Variants in VPS13B observed in about 807,000 individuals in gnomAD.
The protein encoded by VPS13B is intermembrane lipid transfer protein VPS13B.
Under a neutral mutation model 426.4 loss-of-function variants are expected in VPS13B, and 285 were observed. The observed-to-expected ratio is 0.67, with a 90% CI of 0.61 to 0.74. The LOEUF (loss-of-function observed/expected upper bound fraction) is 0.74, where lower values mean the gene tolerates loss of function less well. VPS13B is among the 30% of genes least tolerant of loss of function. The pLI, the probability that VPS13B is intolerant of heterozygous loss-of-function variation, is 0.00. For missense variants in VPS13B, 4,537 were observed against 4,782.6 expected, an observed-to-expected ratio of 0.95 and a Z score of 1.51; for synonymous variants, 1,676 against 1,676.4, an observed-to-expected ratio of 1.00 and a Z score of 0.01.
intron 51 of VPS13B, among the ~76,000 whole-genome samples, chr8:99,825,343 TTCAGGTTTTTTG>T (rs1814615776): frequency 6.6e-6 from 1 of 152,218 alleles, no homozygotes; most frequent in Admixed American, 6.5e-5. Flanking sequence ...TGAGTTTTTT[TTCAGGTTTTTTG>T]ACCACGTAAA....
Position 99,143,018 on chromosome 8 carries a change from T to C in VPS13B, c.1696T>C (p.Leu566=), listed in dbSNP as rs767273023. The change falls in exon 13 of 62, where the codon TTG becomes CTG. Residue 566 remains leucine (L), a synonymous_variant. Transcript: ENST00000357162. ...QDFSSGKSED[L]GTVQEKSTKS... is the part of the protein sequence containing the mutation. ...CTTTTCTTCAGGGAAAAGTGAAGATTTGGGAACAGTTCAGGAGAAGTCCAC... is the reference window on the plus strand; with the variant it reads ...CTTTTCTTCAGGGAAAAGTGAAGATCTGGGAACAGTTCAGGAGAAGTCCAC... 9.3e-6 allele frequency: 15 copies of C among 1,613,668 alleles called. No individual in the cohort carries two copies. The Admixed American group carries it at 1.7e-4, about 18-fold the overall frequency.
At position 99,115,752 on chromosome 8, in the gene VPS13B, C is replaced by G. The variant is rs571013964; in HGVS notation, c.815C>G (p.Pro272Arg). Reference sequence around the variant, plus strand: ...CTTTCTATCACAGATCAACAACTGCCTATGTTTATTCGTATAATGCAACTT... The same window carrying G: ...CTTTCTATCACAGATCAACAACTGCGTATGTTTATTCGTATAATGCAACTT... ...LKLSITDQQL[P>R]MFIRIMQLGI... The change falls in exon 7 of 62, where the codon CCT (proline) becomes CGT (arginine). Residue 272 changes from proline to arginine, a missense_variant. Physicochemically the swap from Pro to Arg is moderately radical, Grantham distance 103. This residue lies in a region of VPS13B where 4,311 missense variants were observed against 4,474.3 expected (regional missense o/e 0.96). Transcript: ENST00000357162. 1.9e-6 allele frequency: 3 copies of G among 1,613,218 alleles called. No individual in the cohort carries two copies. The highest frequency in any genetic ancestry group is 2.5e-6 in the Non-Finnish European group (3 of 1,179,714).
At chr8:99,450,468 C>T (rs1818133111) in intron 23 of VPS13B, among the ~76,000 whole-genome samples, 1 of 152,156 alleles carries the variant, frequency 6.6e-6, no homozygotes, top group African/African-American at 2.4e-5. Context: ...GTAATCCCAG[C>T]ATTTGGGAGG....
intron 54 of VPS13B, among the ~76,000 whole-genome samples, chr8:99,842,110 C>A (rs911182430): frequency 6.6e-6 from 1 of 152,294 alleles, no homozygotes; most frequent in Non-Finnish European, 1.5e-5. Context: ...TACTCTTTTA[C>A]AAACCACATA....
At chr8:99,714,427 A>AAT (rs1007436165) in intron 36 of VPS13B, among the ~76,000 whole-genome samples, 1 of 152,168 alleles carries the variant, frequency 6.6e-6, no homozygotes, top group Non-Finnish European at 1.5e-5. Context: ...CACACACCAC[A>AAT]ATAAATCATT....
At chr8:99,829,649 T>C (rs879392324) in intron 51 of VPS13B, among the ~76,000 whole-genome samples, 1 of 152,148 alleles carries the variant, frequency 6.6e-6, no homozygotes, top group Non-Finnish European at 1.5e-5. Flanking sequence ...TGGTGAGGAG[T>C]TGTGATCCTT....
At chr8:99,177,639 AT>A (rs994367237) in intron 16 of VPS13B, among the ~76,000 whole-genome samples, 1 of 152,132 alleles carries the variant, frequency 6.6e-6, no homozygotes, top group Non-Finnish European at 1.5e-5. Context: ...TCCACATGGA[AT>A]TTTATGGTCA....
chr8:99,216,811 GT>G (rs1815416070), intron 17 of VPS13B, among the ~76,000 whole-genome samples: 1 of 151,860 alleles, frequency 6.6e-6, no homozygotes, highest in Non-Finnish European at 1.5e-5. Context: ...TATTGAATAA[GT>G]AAAAATGTTA....
intron 25 of VPS13B, among the ~76,000 whole-genome samples, chr8:99,500,301 G>T (rs909989569): frequency 2.0e-5 from 3 of 151,894 alleles, no homozygotes; most frequent in Admixed American, 6.6e-5. Flanking sequence ...GAGGATATAC[G>T]GCAAAACAAA....
At chr8:99,643,404 T>C (rs1365120999) in intron 34 of VPS13B, among the ~76,000 whole-genome samples, 1 of 152,208 alleles carries the variant, frequency 6.6e-6, no homozygotes, top group Non-Finnish European at 1.5e-5. Flanking sequence ...GGTTTGTTCA[T>C]TCTTGCCATT....
At chr8:99,620,185 T>C (rs1237717794) in intron 33 of VPS13B, among the ~76,000 whole-genome samples, 2 of 152,014 alleles carry the variant, frequency 1.3e-5, no homozygotes, top group Non-Finnish European at 2.9e-5. Flanking sequence ...AAAAATAAGT[T>C]TACAAGAATG....
At chr8:99,730,529 A>G (rs1833551070) in intron 39 of VPS13B, among the ~76,000 whole-genome samples, 2 of 152,198 alleles carry the variant, frequency 1.3e-5, no homozygotes, top group African/African-American at 2.4e-5. Context: ...AAAGTATGAA[A>G]AAAAGATCTA....
intron 15 of VPS13B, among the ~76,000 whole-genome samples, chr8:99,162,823 G>A (rs993219262): frequency 6.6e-6 from 1 of 152,184 alleles, no homozygotes; most frequent in Non-Finnish European, 1.5e-5. Flanking sequence ...GAACCCGAGC[G>A]GGTTGCCAAT....
chr8:99,398,260 C>G (rs1005329402), intron 21 of VPS13B, among the ~76,000 whole-genome samples: 1 of 152,066 alleles, frequency 6.6e-6, no homozygotes, highest in African/African-American at 2.4e-5. Flanking sequence ...AAATTACATT[C>G]AAAGGAACTC....
chr8:99,851,708 GT>G (rs1255019503), intron 55 of VPS13B, among the ~76,000 whole-genome samples: 1 of 152,080 alleles, frequency 6.6e-6, no homozygotes, highest in Non-Finnish European at 1.5e-5. Flanking sequence ...TGTGGGCCCA[GT>G]GGAGGGGGTG....
Position 99,754,421 on chromosome 8 carries a change from C to T in VPS13B, c.7051-12353C>T, listed in dbSNP as rs533573862. On this transcript the variant is annotated intron_variant, in intron 39 of 61. Coordinates refer to ENST00000357162, the MANE Select transcript of VPS13B (RefSeq NM_152564.5). Reference sequence around the variant, plus strand: ...TAAATAACTGATTGTAAGAAATACTCTTTATGTTTAAAAGGACAGTTAAGC... The same window carrying T: ...TAAATAACTGATTGTAAGAAATACTTTTTATGTTTAAAAGGACAGTTAAGC... Among the ~76,000 whole-genome samples, 6 of 152,112 alleles carry T rather than the reference C, an allele frequency of 3.9e-5. 1 individual carries two copies. Among genetic ancestry groups the T allele is most frequent in the Non-Finnish European group, 7.4e-5 (5 of 68,010 alleles).
chr8:99,377,791 A>G (rs1813567676), intron 19 of VPS13B, among the ~76,000 whole-genome samples: 1 of 152,166 alleles, frequency 6.6e-6, no homozygotes. Context: ...GCAAGTCTTT[A>G]TTAGCAATTT....
chr8:99,572,140 A>G (rs866905608), intron 31 of VPS13B, among the ~76,000 whole-genome samples: 10 of 152,220 alleles, frequency 6.6e-5, no homozygotes, highest in Admixed American at 2.6e-4. Flanking sequence ...TAATAGCTTG[A>G]AGGGAAATTT....
chr8:99,207,759 C>G (rs545378632), intron 17 of VPS13B, among the ~76,000 whole-genome samples: 11 of 152,166 alleles, frequency 7.2e-5, no homozygotes, highest in African/African-American at 2.6e-4. Flanking sequence ...GTTTATTTGC[C>G]TATGTATTCT....
Sources: gnomAD v4.1 joint callset for allele counts (sites outside exome capture counted in the v4.1 genomes callset) on GRCh38, gnomAD v4.1.1 for gene constraint, gnomAD v4.1.1 regional missense constraint, MANE v1.5 for transcripts, NCBI Gene and HGNC (gene_info 2026-07-23, HGNC 2026-07-21) for gene names.